Variants in ITPR2 observed in about 807,000 individuals in gnomAD.
ITPR2 encodes the protein inositol 1,4,5-trisphosphate receptor type 2, also known as inositol 1,4,5-trisphosphate-gated calcium channel ITPR2.
Under a neutral mutation model 317.1 loss-of-function variants are expected in ITPR2, and 207 were observed. The observed-to-expected ratio is 0.65, with a 90% CI of 0.58 to 0.73. The LOEUF is 0.73. ITPR2 is among the 30% of genes least tolerant of loss of function. ITPR2 has a pLI of 0.00. For synonymous variants in ITPR2, 1,156 were observed against 1,149.1 expected, an observed-to-expected ratio of 1.01 and a Z score of -0.12; for missense variants, 2,613 against 3,284.0, an observed-to-expected ratio of 0.80 and a Z score of 4.99.
chr12:26,415,907 A>C (rs897151847), intron 50 of ITPR2, among the ~76,000 whole-genome samples: 2 of 152,208 alleles, frequency 1.3e-5, no homozygotes, highest in Non-Finnish European at 2.9e-5. Flanking sequence ...AAATGGCTTA[A>C]GTGAGAATGC....
At chr12:26,517,143 T>C (rs1943544555) in intron 37 of ITPR2, among the ~76,000 whole-genome samples, 1 of 152,074 alleles carries the variant, frequency 6.6e-6, no homozygotes, top group African/African-American at 2.4e-5. Context: ...AGAAAAATTC[T>C]AAAGAGAATT....
At chr12:26,488,798 T>C (rs1942731465) in intron 39 of ITPR2, among the ~76,000 whole-genome samples, 1 of 152,192 alleles carries the variant, frequency 6.6e-6, no homozygotes, top group East Asian at 1.9e-4. Context: ...ACTTTGTGGC[T>C]CTATTAAAAC....
intron 24 of ITPR2, 29 bp from the exon 25 acceptor site, chr12:26,622,434 A>T (rs775638490): frequency 1.3e-6 from 2 of 1,538,140 alleles, no homozygotes; most frequent in Non-Finnish European, 1.8e-6. Context: ...TTCTAAAGTG[A>T]CTCCTATTTA....
chr12:26,688,500 G>A (rs990370687), intron 10 of ITPR2, among the ~76,000 whole-genome samples: 9 of 152,024 alleles, frequency 5.9e-5, no homozygotes, highest in African/African-American at 2.2e-4. Flanking sequence ...GATGAAAGAT[G>A]AGGGAAGGGG....
chr12:26,723,513 C>T (rs1163552544), intron 4 of ITPR2, among the ~76,000 whole-genome samples: 1 of 152,082 alleles, frequency 6.6e-6, no homozygotes, highest in Non-Finnish European at 1.5e-5. Flanking sequence ...AAGAGAAACT[C>T]TATTTATGAA....
At chr12:26,748,056 G>C (rs562746979) in intron 2 of ITPR2, among the ~76,000 whole-genome samples, 2 of 151,994 alleles carry the variant, frequency 1.3e-5, no homozygotes, top group East Asian at 1.9e-4. Flanking sequence ...AGAGCTTTTT[G>C]TTTGTTTGTT....
chr12:26,619,450 C>T (rs950540153), intron 26 of ITPR2, among the ~76,000 whole-genome samples: 1 of 152,176 alleles, frequency 6.6e-6, no homozygotes, highest in African/African-American at 2.4e-5. Flanking sequence ...ACATCTTTTA[C>T]TTAATCTAAA....
intron 54 of ITPR2, among the ~76,000 whole-genome samples, chr12:26,390,833 GA>G (rs201798279): frequency 0.05 from 7,634 of 151,992 alleles, 241 homozygotes; most frequent in Non-Finnish European, 0.064. Flanking sequence ...ACAAACAAAA[GA>G]GAGAAAATGT....
intron 21 of ITPR2, among the ~76,000 whole-genome samples, chr12:26,638,425 A>G (rs182973555): frequency 4.4e-4 from 67 of 152,332 alleles, no homozygotes; most frequent in South Asian, 1.0e-3. Context: ...GAAAATTTCC[A>G]TCACCCTAGA....
chr12:26,768,666 C>T (rs1218508079), intron 2 of ITPR2, among the ~76,000 whole-genome samples: 1 of 149,648 alleles, frequency 6.7e-6, no homozygotes, highest in Non-Finnish European at 1.5e-5. Flanking sequence ...CCCCTTCACA[C>T]TCTTAAAAAT....
chr12:26,795,358 GA>G (rs1267776215), intron 1 of ITPR2, among the ~76,000 whole-genome samples: 1 of 152,076 alleles, frequency 6.6e-6, no homozygotes, highest in East Asian at 1.9e-4. Context: ...TCGGAGAGTA[GA>G]AAAAATTATT....
At position 26,339,477 on chromosome 12, in the gene ITPR2, C is replaced by T. The variant is rs1346488949; in HGVS notation, c.8026G>A (p.Glu2676Lys). The T allele has an allele frequency of 6.2e-7, 1 of 1,613,620 alleles. No homozygotes were observed. Among genetic ancestry groups the T allele is most frequent in the Non-Finnish European group, 8.5e-7 (1 of 1,179,682 alleles). Residue 2676 changes from glutamate (E) to lysine (K), a missense_variant, in exon 57 of 57, where the codon GAA becomes AAA. This residue lies in a region of ITPR2 where 119 missense variants were observed against 144.3 expected (regional missense o/e 0.82). Coordinates refer to ENST00000381340, the MANE Select transcript of ITPR2 (RefSeq NM_002223.4). ...AGTCTCTGCTTATTCTTCCTTTGTT[C>T]TGTCATCTGGGGGAAAAGAGAGAGT... ...QLAELKEQMT[E>K]QRKNKQRLGF...
chr12:26,397,811 C>A (rs1192817801), intron 54 of ITPR2, among the ~76,000 whole-genome samples: 1 of 152,026 alleles, frequency 6.6e-6, no homozygotes, highest in Admixed American at 6.6e-5. Context: ...GTGACTATCA[C>A]CAAAAGATTT....
At chr12:26,398,294 A>T (rs539803701) in intron 54 of ITPR2, among the ~76,000 whole-genome samples, 3 of 152,176 alleles carry the variant, frequency 2.0e-5, no homozygotes, top group East Asian at 1.9e-4. Context: ...GTGGTGGTAC[A>T]TGCCTGCAGT....
intron 48 of ITPR2, among the ~76,000 whole-genome samples, chr12:26,428,781 A>ATAAG (rs1295982887): frequency 6.6e-6 from 1 of 152,210 alleles, no homozygotes; most frequent in East Asian, 1.9e-4. Context: ...TTTTTCTTTA[A>ATAAG]TAAGTAGTAC....
chr12:26,542,640 C>T (rs1164216008), intron 37 of ITPR2, among the ~76,000 whole-genome samples: 1 of 152,186 alleles, frequency 6.6e-6, no homozygotes, highest in South Asian at 2.1e-4. Context: ...AAAACCGTTG[C>T]TTAAAACTGT....
intron 35 of ITPR2, among the ~76,000 whole-genome samples, chr12:26,556,770 CT>C (rs747548860): frequency 1.2e-5 from 1 of 86,540 alleles, no homozygotes. Flanking sequence ...CAGGGAACAG[CT>C]TAAAAAAAAA....
chr12:26,595,486 G>T lies in ITPR2; in HGVS notation c.4359C>A (p.Asn1453Lys). The T allele has an allele frequency of 6.2e-7, 1 of 1,608,332 alleles. No individual in the cohort carries two copies. Among genetic ancestry groups the T allele is most frequent in the Non-Finnish European group, 8.5e-7 (1 of 1,178,396 alleles). The change falls in exon 32 of 57, where the codon AAC becomes AAA. Residue 1453 changes from asparagine (N) to lysine (K), a missense_variant. Around this residue, in one of 9 missense-constraint regions of ITPR2, gnomAD observed 926 missense variants for 1,072.8 expected, o/e 0.86. Transcript: ENST00000381340. ...TTACCCTTGCCATATCCACCAAGAA[G>T]TTCTCAAATAATTTCCAAATGTGGT... is the stretch of plus-strand genomic sequence containing the variant. Reference protein sequence around the residue: ...TSNHIWKLFENFLVDMARVCN... With the variant: ...TSNHIWKLFEKFLVDMARVCN...
At chr12:26,581,741 A>G (rs1428135077) in intron 32 of ITPR2, among the ~76,000 whole-genome samples, 2 of 152,182 alleles carry the variant, frequency 1.3e-5, no homozygotes, top group African/African-American at 2.4e-5. Flanking sequence ...ATGGATAAGA[A>G]TTAGGATTTA....
Sources: gnomAD v4.1 joint callset for allele counts (sites outside exome capture counted in the v4.1 genomes callset) on GRCh38, gnomAD v4.1.1 for gene constraint, gnomAD v4.1.1 regional missense constraint, MANE v1.5 for transcripts, NCBI Gene and HGNC (gene_info 2026-07-23, HGNC 2026-07-21) for gene names.